The following ZDHHC15 variants were observed in gnomAD, a reference collection of about 807,000 sequenced individuals.
ZDHHC15 encodes palmitoyltransferase ZDHHC15.
ZDHHC15 carries 19 observed loss-of-function variants against 31.7 expected under a neutral mutation model. The ratio of observed to expected loss-of-function variants is 0.60; its 90% CI spans 0.42 to 0.88. ZDHHC15 has a LOEUF of 0.88. Among genes scored for constraint, ZDHHC15 ranks in the 40% least tolerant of loss-of-function variants. The pLI, the probability that ZDHHC15 is intolerant of heterozygous loss-of-function variation, is 0.00. For synonymous variants in ZDHHC15, 103 were observed against 90.0 expected, an observed-to-expected ratio of 1.14 and a Z score of -0.82; for missense variants, 209 against 251.2, an observed-to-expected ratio of 0.83 and a Z score of 1.14.
At chrX:75,507,977 G>T in intron 1 of ZDHHC15, among the ~76,000 whole-genome samples, 1 of 111,119 alleles carries the variant, frequency 9.0e-6, no homozygotes, top group South Asian at 3.8e-4. Flanking sequence ...GTAAAAAGTC[G>T]TAGAAAGGAC....
At chrX:75,493,148 C>G (rs771742083) in intron 2 of ZDHHC15, among the ~76,000 whole-genome samples, 1 of 111,830 alleles carries the variant, frequency 8.9e-6, no homozygotes, top group African/African-American at 3.2e-5. Context: ...GAGAATACTA[C>G]AAACACCTCT....
At chrX:75,493,129 C>G (rs917511389) in intron 2 of ZDHHC15, among the ~76,000 whole-genome samples, 3 of 111,816 alleles carry the variant, frequency 2.7e-5, no homozygotes, top group African/African-American at 9.7e-5. Context: ...GAAATACAAA[C>G]TACCATCAGA....
At chrX:75,505,279 A>G (rs1382245215) in intron 2 of ZDHHC15, among the ~76,000 whole-genome samples, 1 of 112,078 alleles carries the variant, frequency 8.9e-6, no homozygotes, top group Non-Finnish European at 1.9e-5. Flanking sequence ...AAATAATGTA[A>G]AGCTAAAGGT....
At chrX:75,411,510 C>T (rs1460365744) in intron 10 of ZDHHC15, among the ~76,000 whole-genome samples, 1 of 112,692 alleles carries the variant, frequency 8.9e-6, no homozygotes, top group Non-Finnish European at 1.9e-5. Context: ...CCGCGCCCAG[C>T]CTGTACATTT....
intron 10 of ZDHHC15, among the ~76,000 whole-genome samples, chrX:75,407,708 G>A (rs1050073505): frequency 8.8e-6 from 1 of 113,399 alleles, no homozygotes; most frequent in Non-Finnish European, 1.9e-5. Flanking sequence ...CATCTGGGAG[G>A]TGTGCCCAAC....
At chrX:75,427,180 A>T (rs1397758717) in intron 7 of ZDHHC15, among the ~76,000 whole-genome samples, 1 of 111,526 alleles carries the variant, frequency 9.0e-6, no homozygotes, top group Non-Finnish European at 1.9e-5. Context: ...CTGGCTAAAG[A>T]GACTGCCAGG....
At chrX:75,415,033 C>T (rs1406505029) in intron 10 of ZDHHC15, among the ~76,000 whole-genome samples, 1 of 110,369 alleles carries the variant, frequency 9.1e-6, no homozygotes, top group East Asian at 2.9e-4. Flanking sequence ...CTCAGCCTCC[C>T]AAAGTGCTGG....
intron 10 of ZDHHC15, among the ~76,000 whole-genome samples, chrX:75,381,423 T>C (rs986000156): frequency 9.0e-6 from 1 of 111,698 alleles, no homozygotes; most frequent in African/African-American, 3.3e-5. Flanking sequence ...TTAAAATGTC[T>C]CTTGGGTTTG....
At position 75,370,475 on chromosome X, in the gene ZDHHC15, G is replaced by A. The variant is rs571154302; in HGVS notation, c.*2503C>T. On this transcript the variant is annotated 3_prime_UTR_variant, in exon 12 of 12. Transcript: ENST00000373367. ...AGACCAAAATGCTAAGATAGGAATAGGTTTTCTTTTTATCTCTGAGCCCCT... is the reference window on the plus strand; with the variant it reads ...AGACCAAAATGCTAAGATAGGAATAAGTTTTCTTTTTATCTCTGAGCCCCT... 1.8e-5 allele frequency: 2 copies of A among 109,601 alleles called. No individual in the cohort carries two copies. The highest frequency in any genetic ancestry group is 3.8e-5 in the Non-Finnish European group (2 of 52,818). The allele number at this position is 109,601 out of a possible 1,213,427, so 9.0% of individuals were successfully genotyped here. A position where few individuals can be genotyped will look rare whatever the true frequency, so the allele number is the denominator to read the frequency against.
At chrX:75,469,886 C>G (rs1015172421) in intron 3 of ZDHHC15, among the ~76,000 whole-genome samples, 2 of 111,925 alleles carry the variant, frequency 1.8e-5, no homozygotes, top group Admixed American at 9.5e-5. Context: ...CCAACACTTG[C>G]TGTTTTACAG....
intron 10 of ZDHHC15, among the ~76,000 whole-genome samples, chrX:75,401,250 G>A (rs1191938928): frequency 2.1e-5 from 2 of 96,924 alleles, no homozygotes; most frequent in Non-Finnish European, 4.1e-5. Context: ...TTCCTGTGCT[G>A]TTTCCAAAAA....
chrX:75,465,737 C>T (rs777137724), intron 3 of ZDHHC15, among the ~76,000 whole-genome samples: 1 of 111,474 alleles, frequency 9.0e-6, no homozygotes, highest in South Asian at 3.8e-4. Flanking sequence ...GGAGTGCTGC[C>T]TAGCCATATG....
intron 2 of ZDHHC15, among the ~76,000 whole-genome samples, chrX:75,502,667 T>A (rs779115068): frequency 4.8e-4 from 53 of 111,033 alleles, no homozygotes; most frequent in Non-Finnish European, 8.1e-4. Flanking sequence ...ATATCATTCC[T>A]AAATTTATCT....
intron 1 of ZDHHC15, among the ~76,000 whole-genome samples, chrX:75,514,457 A>G (rs1298165863): frequency 8.9e-6 from 1 of 111,974 alleles, no homozygotes; most frequent in East Asian, 2.8e-4. Context: ...GCTGCAGTCT[A>G]CAGCTCCCAG....
intron 3 of ZDHHC15, among the ~76,000 whole-genome samples, chrX:75,460,639 G>GA (rs377649832): frequency 1.8e-3 from 195 of 106,944 alleles, no homozygotes; most frequent in African/African-American, 2.5e-3. Context: ...ATCCAGGTAT[G>GA]AAAAAAAAAA....
At position 75,369,816 on chromosome X, in the gene ZDHHC15, C is replaced by T. The variant is rs1330324830; in HGVS notation, c.*3162G>A. 2 of 112,103 alleles carry T rather than the reference C, an allele frequency of 1.8e-5. No individual in the cohort carries two copies. The highest frequency in any genetic ancestry group is 3.8e-5 in the Non-Finnish European group (2 of 53,238). The allele number at this position is 112,103 out of a possible 1,213,427, so 9.2% of individuals were successfully genotyped here. A position where few individuals can be genotyped will look rare whatever the true frequency, so the allele number is the denominator to read the frequency against. ...TCCTGTTGTAATTACTCTCAAAATT[C>T]TAACTGCTCCATGATAATTCCAGTC... is the stretch of plus-strand genomic sequence containing the variant. On this transcript the variant is annotated 3_prime_UTR_variant, in exon 12 of 12. Transcript: ENST00000373367.
At chrX:75,400,702 G>T (rs999223832) in intron 10 of ZDHHC15, among the ~76,000 whole-genome samples, 1 of 111,463 alleles carries the variant, frequency 9.0e-6, no homozygotes, top group African/African-American at 3.3e-5. Flanking sequence ...AGGTAGAAAT[G>T]AAAGAAAGAA....
rs1209600742 is a variant in ZDHHC15 at position 75,437,746 on chromosome X, T to C, written c.380-6226A>G. ...ATTGTGAATAATGCCACAATAAACA[T>C]ACGTGTGCATGTGTCTTTAAAGCAG... is the stretch of plus-strand genomic sequence containing the variant. On this transcript the variant is annotated intron_variant, in intron 4 of 11. Coordinates refer to ENST00000373367, the MANE Select transcript of ZDHHC15 (RefSeq NM_144969.3). Among the ~76,000 whole-genome samples the C allele has an allele frequency of 1.8e-5, 2 of 109,286 alleles. 1 individual carries two copies. 94.9% of individuals were successfully genotyped at this position (109,286 alleles called of 115,157 possible). A position where few individuals can be genotyped will look rare whatever the true frequency, so the allele number is the denominator to read the frequency against.
At chrX:75,492,659 A>C (rs1057509220) in intron 2 of ZDHHC15, among the ~76,000 whole-genome samples, 50 of 111,900 alleles carry the variant, frequency 4.5e-4, no homozygotes, top group African/African-American at 1.6e-3. Flanking sequence ...ATGGAAACTG[A>C]ACAACCTGCT....
Sources: allele counts gnomAD v4.1 joint callset (sites outside exome capture counted in the v4.1 genomes callset), GRCh38; gene constraint gnomAD v4.1.1; transcripts MANE v1.5; gene names NCBI Gene and HGNC (gene_info 2026-07-23, HGNC 2026-07-21).